KCNU1: variants seen among roughly 807,000 people sequenced by gnomAD.
The protein encoded by KCNU1 is potassium calcium-activated channel subfamily U member 1.
A neutral mutation model predicts 126.8 loss-of-function variants in KCNU1; 93 were observed. The observed-to-expected ratio is 0.73, with a 90% CI of 0.62 to 0.87. KCNU1 has a LOEUF of 0.87. KCNU1 is among the 40% of genes least tolerant of loss of function. The pLI is 0.00. For missense variants in KCNU1, 1,330 were observed against 1,367.1 expected, an observed-to-expected ratio of 0.97 and a Z score of 0.43; for synonymous variants, 523 against 494.2, an observed-to-expected ratio of 1.06 and a Z score of -0.77.
intron 2 of KCNU1, among the ~76,000 whole-genome samples, chr8:36,794,934 CA>C (rs1000477613): frequency 2.6e-5 from 4 of 151,696 alleles, no homozygotes; most frequent in Admixed American, 2.6e-4. Context: ...TCAACAAAAA[CA>C]AAAACAAAAC....
chr8:36,808,927 T>A, intron 7 of KCNU1, 134 bp downstream of exon 7: 1 of 620,486 alleles, frequency 1.6e-6, no homozygotes, highest in Non-Finnish European at 2.9e-6. Flanking sequence ...CTACTTCCCA[T>A]TTTCAGGTTT....
chr8:36,907,287 A>G (rs1453399427), intron 20 of KCNU1, among the ~76,000 whole-genome samples: 1 of 152,152 alleles, frequency 6.6e-6, no homozygotes. Context: ...CCTTCTTCCA[A>G]TAGTCACCAT....
In KCNU1 at chr8:36,815,680, G is replaced by T. The variant is rs372843873; in HGVS notation, c.988G>T (p.Gly330Ter). Residue 330 changes from glycine to a stop codon, truncating the protein, a stop_gained, in exon 9 of 27, where the codon GGA becomes TGA. Coordinates refer to ENST00000399881, the MANE Select transcript of KCNU1 (RefSeq NM_001031836.3). LOFTEE classifies it high-confidence loss of function. ...KYTSSYEALK[G>*]KKFIVVCGNI... ...CACCAGTTCCTATGAAGCACTCAAA[G>T]GAAAGAAGTAAGTAGTGTTTTAAGT... is the stretch of plus-strand genomic sequence containing the variant. The T allele has an allele frequency of 2.6e-6, 4 of 1,550,450 alleles. No individual in the cohort carries two copies. Among genetic ancestry groups the T allele is most frequent in the Non-Finnish European group, 3.5e-6 (4 of 1,132,692 alleles).
At chr8:36,820,346 T>C (rs926858153) in intron 10 of KCNU1, among the ~76,000 whole-genome samples, 4 of 152,156 alleles carry the variant, frequency 2.6e-5, no homozygotes, top group Non-Finnish European at 4.4e-5. Flanking sequence ...ATGTGGCCTT[T>C]TCCTTGGAAC....
intron 24 of KCNU1, among the ~76,000 whole-genome samples, chr8:36,928,690 T>C (rs1483730688): frequency 6.6e-6 from 1 of 152,184 alleles, no homozygotes; most frequent in Non-Finnish European, 1.5e-5. Context: ...AAATTACCTA[T>C]CCATTGAAGT....
chr8:36,869,475 C>T (rs1049005254), intron 19 of KCNU1, among the ~76,000 whole-genome samples: 1 of 152,080 alleles, frequency 6.6e-6, no homozygotes, highest in African/African-American at 2.4e-5. Flanking sequence ...TCTCCATCCT[C>T]TTTATGTTCT....
intron 6 of KCNU1, among the ~76,000 whole-genome samples, 180 bp downstream of exon 6, chr8:36,807,630 G>C (rs1276666790): frequency 1.3e-5 from 2 of 151,618 alleles, no homozygotes; most frequent in Non-Finnish European, 2.9e-5. Context: ...TCTTACACTA[G>C]CTGAAAACTT....
At chr8:36,870,862 A>G (rs763067407) in intron 19 of KCNU1, among the ~76,000 whole-genome samples, 10 of 152,170 alleles carry the variant, frequency 6.6e-5, no homozygotes, top group Non-Finnish European at 1.3e-4. Flanking sequence ...CATTCACTTA[A>G]CACTATATGG....
chr8:36,924,569 G>C (rs1808473735), intron 24 of KCNU1, among the ~76,000 whole-genome samples: 1 of 152,160 alleles, frequency 6.6e-6, no homozygotes. Context: ...AAAGTGCAAG[G>C]CTCCTAAAGA....
intron 7 of KCNU1, among the ~76,000 whole-genome samples, chr8:36,811,363 T>C (rs555450809): frequency 2.6e-5 from 4 of 152,146 alleles, no homozygotes. Flanking sequence ...ATAAAAAAGA[T>C]AATCCAAGCA....
chr8:36,869,339 C>T (rs1003294854), intron 19 of KCNU1, among the ~76,000 whole-genome samples: 7 of 152,100 alleles, frequency 4.6e-5, no homozygotes, highest in Non-Finnish European at 8.8e-5. Context: ...GAAATTCTCC[C>T]TATTGGGTCT....
chr8:36,918,605 C>T (rs1011348966), intron 22 of KCNU1, among the ~76,000 whole-genome samples: 4 of 151,778 alleles, frequency 2.6e-5, no homozygotes, highest in African/African-American at 9.7e-5. Context: ...CCACCACACA[C>T]ACACACATAC....
chr8:36,862,814 C>T (rs1017298711), intron 18 of KCNU1, among the ~76,000 whole-genome samples: 5 of 152,068 alleles, frequency 3.3e-5, no homozygotes, highest in Middle Eastern at 3.2e-3. Flanking sequence ...CCTAAAAGTT[C>T]TATAATTCCT....
intron 19 of KCNU1, among the ~76,000 whole-genome samples, chr8:36,872,069 T>C (rs1177099191): frequency 6.6e-6 from 1 of 152,172 alleles, no homozygotes; most frequent in African/African-American, 2.4e-5. Flanking sequence ...TGATTTTCAC[T>C]TTGTGTTATT....
intron 24 of KCNU1, chr8:36,923,128 T>G (rs893377940): frequency 3.1e-5 from 14 of 452,580 alleles, no homozygotes; most frequent in Admixed American, 1.9e-4. Flanking sequence ...GGTTATTCTT[T>G]AGTTTTCAGC....
chr8:36,801,017 G>A (rs1169287662), intron 2 of KCNU1, among the ~76,000 whole-genome samples: 2 of 152,200 alleles, frequency 1.3e-5, no homozygotes, highest in Non-Finnish European at 2.9e-5. Flanking sequence ...TAAAGCAGGA[G>A]CTTAAGGGAA....
chr8:36,895,109 G>A (rs1017000040), intron 19 of KCNU1, among the ~76,000 whole-genome samples: 40 of 151,138 alleles, frequency 2.6e-4, no homozygotes, highest in Non-Finnish European at 4.3e-4. Flanking sequence ...TTTGGAAACA[G>A]AATCTCACTC....
chr8:36,787,762 GAAT>G (rs1453074505), intron 2 of KCNU1, among the ~76,000 whole-genome samples: 3 of 146,556 alleles, frequency 2.0e-5, no homozygotes, highest in African/African-American at 7.4e-5. Flanking sequence ...TAATTGTATA[GAAT>G]ATTATATAAT....
At position 36,784,418 on chromosome 8, in the gene KCNU1, A is replaced by G. The variant is rs1585366358; in HGVS notation, c.8A>G (p.Gln3Arg). The G allele has an allele frequency of 6.2e-7, 1 of 1,611,646 alleles. No individual in the cohort carries two copies. The highest frequency in any genetic ancestry group is 2.2e-5 in the East Asian group (1 of 44,858). ...TCTACTGATGTCTCGAACATGTTTC[A>G]GACTAAGCTACGAAATGAAACTTGG... The part of the protein sequence containing the change: MF[Q>R]TKLRNETWED... Residue 3 changes from glutamine to arginine, a missense_variant, in exon 1 of 27, where the codon CAG becomes CGG. Physicochemically the swap from Gln to Arg is conservative, Grantham distance 43. Coordinates refer to ENST00000399881, the MANE Select transcript of KCNU1 (RefSeq NM_001031836.3).
Sources: allele counts gnomAD v4.1 joint callset (sites outside exome capture counted in the v4.1 genomes callset), GRCh38; gene constraint gnomAD v4.1.1; transcripts MANE v1.5; gene names NCBI Gene and HGNC (gene_info 2026-07-23, HGNC 2026-07-21).